Variants in KCNK5 observed in about 807,000 individuals in gnomAD.
The protein encoded by KCNK5 is potassium channel subfamily K member 5.
A neutral mutation model predicts 32.9 loss-of-function variants in KCNK5; 18 were observed. The observed-to-expected ratio is 0.55, with a 90% confidence interval of 0.38 to 0.81. The LOEUF (loss-of-function observed/expected upper bound fraction) is 0.81, where lower values mean the gene tolerates loss of function less well. KCNK5 is among the 30% of genes least tolerant of loss of function. KCNK5 has a pLI of 0.00. For missense variants in KCNK5, 507 were observed against 651.0 expected (o/e 0.78, Z 2.41); for synonymous variants, 276 against 275.3 (o/e 1.00, Z -0.03).
In KCNK5 at chr6:39,191,598, C is replaced by A. The variant is rs1319725046; in HGVS notation, c.792G>T (p.Lys264Asn). The part of the protein sequence containing the change: ...KAIKKRRRRR[K>N]ESFESSPHSR... Reference sequence around the variant, plus strand: ...AGTGTGGGGAGCTCTCAAAGGACTCCTTCCGTCGCCGCCGCCGCTTCTTAA... The same window carrying A: ...AGTGTGGGGAGCTCTCAAAGGACTCATTCCGTCGCCGCCGCCGCTTCTTAA... Residue 264 changes from lysine (K) to asparagine (N), a missense_variant, in exon 5 of 5, where the codon AAG becomes AAT. Physicochemically the swap from Lys to Asn is moderately conservative, Grantham distance 94. Around this residue, in one of 6 missense-constraint regions of KCNK5, gnomAD observed 42 missense variants for 35.3 expected, o/e 1.19. Coordinates refer to ENST00000359534, the MANE Select transcript of KCNK5 (RefSeq NM_003740.4). This position sits in a 1 kb window ranked among gnomAD's most constrained non-coding sequence, Gnocchi z 5.8. The A allele has an allele frequency of 1.2e-6, 2 of 1,613,890 alleles. No homozygotes were observed. Among genetic ancestry groups the A allele is most frequent in the Non-Finnish European group, 1.7e-6 (2 of 1,180,020 alleles).
At chr6:39,224,139 C>T (rs1017051725) in intron 1 of KCNK5, among the ~76,000 whole-genome samples, 1 of 130,462 alleles carries the variant, frequency 7.7e-6, no homozygotes, top group African/African-American at 2.8e-5. Context: ...AAATAAGAAA[C>T]AAGCCATTAG....
chr6:39,217,222 A>G (rs1771456855), intron 1 of KCNK5, among the ~76,000 whole-genome samples: 1 of 149,808 alleles, frequency 6.7e-6, no homozygotes, highest in African/African-American at 2.4e-5. Flanking sequence ...TGGCCCCTGG[A>G]GTTTCCTGTC....
chr6:39,191,009 T>C lies in KCNK5; in HGVS notation c.1381A>G (p.Met461Val). ...TCGGAGGAGGAGGGGAACTCGCCCA[T>C]GTTCAGGGGCGCCTTGGCTTCAGCC... ...QGAEAKAPLNMGEFPSSSEST... is the reference protein window; with the variant it reads ...QGAEAKAPLNVGEFPSSSEST... The change falls in exon 5 of 5, where the codon ATG (methionine) becomes GTG (valine). Residue 461 changes from methionine to valine, a missense_variant. By Grantham distance (21) the Met-to-Val change is conservative. Coordinates refer to ENST00000359534, the MANE Select transcript of KCNK5 (RefSeq NM_003740.4). The surrounding 1 kb of genome is among the most constrained non-coding windows in gnomAD (Gnocchi z 5.8). The C allele has an allele frequency of 6.3e-7, 1 of 1,592,282 alleles. No homozygotes were observed.
Position 39,195,945 on chromosome 6 carries a change from T to A in KCNK5, c.229A>T (p.Asn77Tyr). 1.9e-6 allele frequency: 3 copies of A among 1,613,864 alleles called. No individual in the cohort carries two copies. Among genetic ancestry groups the A allele is most frequent in the Non-Finnish European group, 2.5e-6 (3 of 1,179,904 alleles). Residue 77 changes from asparagine to tyrosine, a missense_variant, in exon 2 of 5, where the codon AAC (asparagine) becomes TAC (tyrosine). Asn to Tyr is a moderately radical substitution (Grantham distance 143, BLOSUM62 -2). Around this residue, in one of 6 missense-constraint regions of KCNK5, gnomAD observed 143 missense variants for 219.1 expected, o/e 0.65. Transcript: ENST00000359534. ...CAGTTCCAGTTGTTGAAGGTCTGGT[T>A]CCCTGTGATGGCCACACCCTGTCCT... ...AAGQGVAITGNQTFNNWNWPN... is the reference protein window; with the variant it reads ...AAGQGVAITGYQTFNNWNWPN...
chr6:39,215,935 A>G (rs1207909437), intron 1 of KCNK5, among the ~76,000 whole-genome samples: 6 of 152,184 alleles, frequency 3.9e-5, no homozygotes, highest in Admixed American at 3.3e-4. Context: ...GATTGAGTTA[A>G]CAACCCCACC....
intron 1 of KCNK5, among the ~76,000 whole-genome samples, chr6:39,214,249 T>A (rs1476850251): frequency 2.6e-5 from 4 of 152,088 alleles, no homozygotes; most frequent in Non-Finnish European, 5.9e-5. Context: ...TGCCCTGGGT[T>A]TAGATAGACA....
intron 1 of KCNK5, among the ~76,000 whole-genome samples, chr6:39,226,399 G>C (rs568394408): frequency 1.3e-5 from 2 of 152,226 alleles, no homozygotes; most frequent in East Asian, 1.9e-4. Flanking sequence ...CTGACAATTC[G>C]GGGGGTATTT....
At chr6:39,205,014 G>T (rs1029864241) in intron 1 of KCNK5, among the ~76,000 whole-genome samples, 1 of 152,238 alleles carries the variant, frequency 6.6e-6, no homozygotes, top group African/African-American at 2.4e-5. Flanking sequence ...GACCCTGCCC[G>T]CATTGTTCTC....
At position 39,229,178 on chromosome 6, in the gene KCNK5, C is replaced by T; in HGVS notation, c.-67G>A. The T allele has an allele frequency of 6.5e-7, 1 of 1,527,478 alleles. No individual in the cohort carries two copies. Among genetic ancestry groups the T allele is most frequent in the Non-Finnish European group, 8.9e-7 (1 of 1,117,744 alleles). 94.6% of individuals were successfully genotyped at this position (1,527,478 alleles called of 1,614,324 possible). On this transcript the variant is annotated 5_prime_UTR_variant, in exon 1 of 5. Transcript: ENST00000359534. ...CCCAGCTGCTACCAGTCCGCCCGCC[C>T]TCCAGCCTCTGAAAACAGCTGTTTG...
At chr6:39,199,914 A>G (rs1166184911) in intron 1 of KCNK5, among the ~76,000 whole-genome samples, 1 of 152,232 alleles carries the variant, frequency 6.6e-6, no homozygotes, top group African/African-American at 2.4e-5. Flanking sequence ...AGCCAGGCTC[A>G]GGGAGCTGAG....
At chr6:39,225,601 C>G (rs1410329409) in intron 1 of KCNK5, among the ~76,000 whole-genome samples, 1 of 152,180 alleles carries the variant, frequency 6.6e-6, no homozygotes, top group Non-Finnish European at 1.5e-5. Context: ...TGATGTATTA[C>G]TTCAGTAACA....
chr6:39,219,368 T>A (rs1276344413), intron 1 of KCNK5, among the ~76,000 whole-genome samples: 3 of 152,050 alleles, frequency 2.0e-5, no homozygotes. Context: ...TTACAGGCAT[T>A]TCCTCTTGCG....
rs1770942944 is a variant in KCNK5, at chr6:39,191,760, G to A, written c.635-5C>T. 1.2e-6 allele frequency: 2 copies of A among 1,608,488 alleles called. No homozygotes were observed. Among genetic ancestry groups the A allele is most frequent in the African/African-American group, 1.3e-5 (1 of 74,844 alleles). ...AGTTGGCGCTGGGGTTCACACCTGA[G>A]CGGACAGGCAGTCCAGAGGTCAGGA... On this transcript the variant is annotated splice_region_variant and splice_polypyrimidine_tract_variant and intron_variant, in intron 4 of 4. Coordinates refer to ENST00000359534, the MANE Select transcript of KCNK5 (RefSeq NM_003740.4). This position sits in a 1 kb window ranked among gnomAD's most constrained non-coding sequence, Gnocchi z 5.8.
At chr6:39,209,520 A>G (rs1057449269) in intron 1 of KCNK5, among the ~76,000 whole-genome samples, 6 of 152,120 alleles carry the variant, frequency 3.9e-5, no homozygotes, top group African/African-American at 1.4e-4. Flanking sequence ...GGCTAGGCTG[A>G]GGTGAGGGAT....
intron 1 of KCNK5, among the ~76,000 whole-genome samples, chr6:39,226,609 C>T (rs1446445044): frequency 2.0e-5 from 3 of 152,018 alleles, no homozygotes; most frequent in Non-Finnish European, 2.9e-5. Context: ...AAACACAGAG[C>T]GTCAGGTGGA....
chr6:39,195,276 C>T (rs186859447), intron 2 of KCNK5, among the ~76,000 whole-genome samples: 4 of 152,358 alleles, frequency 2.6e-5, no homozygotes, highest in Admixed American at 6.5e-5. Flanking sequence ...CGCCTTGGTT[C>T]CCAAACACAT....
In KCNK5 at chr6:39,194,199, A is replaced by G; in HGVS notation, c.604T>C (p.Ser202Pro). The G allele has an allele frequency of 6.2e-7, 1 of 1,614,166 alleles. No homozygotes were observed. Among genetic ancestry groups the G allele is most frequent in the Non-Finnish European group, 8.5e-7 (1 of 1,180,012 alleles). The change falls in exon 4 of 5, where the codon TCC becomes CCC. Residue 202 changes from serine to proline, a missense_variant. By Grantham distance (74) the Ser-to-Pro change is moderately conservative (BLOSUM62 -1). Coordinates refer to ENST00000359534, the MANE Select transcript of KCNK5 (RefSeq NM_003740.4). The surrounding 1 kb of genome is among the most constrained non-coding windows in gnomAD (Gnocchi z 4.7). ...ACAAAGTCACCGAAGCCGATGGTGG[A>G]GATGGTGATGAAGGAGTAGTAGAGG... ...EGLYYSFITI[S>P]TIGFGDFVAG...
At chr6:39,225,500 G>A (rs975291200) in intron 1 of KCNK5, among the ~76,000 whole-genome samples, 1 of 152,190 alleles carries the variant, frequency 6.6e-6, no homozygotes, top group African/African-American at 2.4e-5. Context: ...GTTGAGAAGG[G>A]CTGTCCTTCC....
chr6:39,212,933 GA>G (rs1374410883), intron 1 of KCNK5, among the ~76,000 whole-genome samples: 1 of 152,188 alleles, frequency 6.6e-6, no homozygotes, highest in Non-Finnish European at 1.5e-5. Flanking sequence ...CGAAAGACAT[GA>G]ATGAACTAGG....
Sources: gnomAD v4.1 joint callset for allele counts (sites outside exome capture counted in the v4.1 genomes callset) on GRCh38, gnomAD v4.1.1 for gene constraint, gnomAD v4.1.1 regional missense constraint, Gnocchi (gnomAD v3.1) non-coding constraint, MANE v1.5 for transcripts, NCBI Gene and HGNC (gene_info 2026-07-23, HGNC 2026-07-21) for gene names.